Variants in LARP1B observed in about 807,000 individuals in gnomAD.
The protein encoded by LARP1B is La ribonucleoprotein 1B, also known as la-related protein 1B.
A neutral mutation model predicts 114.2 loss-of-function variants in LARP1B; 76 were observed. That is an observed-to-expected ratio of 0.67 (90% CI 0.55 to 0.81). The LOEUF (loss-of-function observed/expected upper bound fraction) is 0.81. LARP1B is among the 30% of genes least tolerant of loss of function. LARP1B has a pLI of 0.00. For missense variants in LARP1B, 1,014 were observed against 1,075.8 expected (o/e 0.94, Z 0.80); for synonymous variants, 345 against 348.0 (o/e 0.99, Z 0.10).
At position 128,078,211 on chromosome 4, in the gene LARP1B, T is replaced by C. The variant is rs542782878; in HGVS notation, c.217+249T>C. ...TTCCACTTAGAGGTACAGTTGTAGA[T>C]ACATTCTTGGAAAGTTGTGTGATAA... On this transcript the variant is annotated intron_variant, in intron 4 of 19. Transcript: ENST00000326639. Among the ~76,000 whole-genome samples the C allele has an allele frequency of 5.9e-4, 90 of 152,360 alleles. 1 individual carries two copies. In the South Asian group the frequency reaches 0.011, roughly 18 times the overall value.
intron 10 of LARP1B, among the ~76,000 whole-genome samples, chr4:128,120,244 G>A (rs1422326276): frequency 6.6e-6 from 1 of 152,090 alleles, no homozygotes; most frequent in Middle Eastern, 3.2e-3. Flanking sequence ...ACATTATTGG[G>A]AATTTTGAAA....
chr4:128,115,540 C>A (rs1340392846), intron 10 of LARP1B, among the ~76,000 whole-genome samples: 1 of 152,142 alleles, frequency 6.6e-6, no homozygotes, highest in East Asian at 1.9e-4. Context: ...CACTGCACTC[C>A]AGGGAGGGTG....
chr4:128,086,460 C>T (rs1773601213), intron 5 of LARP1B, among the ~76,000 whole-genome samples: 1 of 152,142 alleles, frequency 6.6e-6, no homozygotes, highest in Admixed American at 6.5e-5. Flanking sequence ...TCCTCAGTAG[C>T]TGGGACTACA....
At chr4:128,087,307 T>C (rs1774000774) in intron 5 of LARP1B, among the ~76,000 whole-genome samples, 1 of 152,228 alleles carries the variant, frequency 6.6e-6, no homozygotes, top group Non-Finnish European at 1.5e-5. Flanking sequence ...CATTTGTTTT[T>C]ATAGTTTTCT....
intron 7 of LARP1B, among the ~76,000 whole-genome samples, chr4:128,093,815 A>G (rs993696067): frequency 8.7e-5 from 13 of 150,086 alleles, no homozygotes; most frequent in African/African-American, 2.7e-4. Flanking sequence ...GGTTCAAGCA[A>G]TTCTCCTGCC....
intron 7 of LARP1B, among the ~76,000 whole-genome samples, chr4:128,096,137 GCGCCCGCCACCT>G (rs1777897338): frequency 6.6e-6 from 1 of 151,938 alleles, no homozygotes; most frequent in South Asian, 2.1e-4. Flanking sequence ...GGCACTACAG[GCGCCCGCCACCT>G]TGCCCGGCTA....
At position 128,207,595 on chromosome 4, in the gene LARP1B, G is replaced by T. The variant is rs1299964177; in HGVS notation, c.2547+212G>T. Among the ~76,000 whole-genome samples, 4 of 152,302 alleles carry T rather than the reference G, an allele frequency of 2.6e-5. No homozygotes were observed. In the East Asian group the frequency reaches 7.7e-4, roughly 29 times the overall value. On this transcript the variant is annotated intron_variant, in intron 19 of 19. Transcript: ENST00000326639. ...AATGTTAACATCTTGTATAACCACAGTGCAATTGTTAATTCAATTTAATTT... is the reference window on the plus strand; with the variant it reads ...AATGTTAACATCTTGTATAACCACATTGCAATTGTTAATTCAATTTAATTT...
Position 128,160,992 on chromosome 4 carries a change from C to T in LARP1B, c.1525-1202C>T, listed in dbSNP as rs533474997. ...TTCCTGTTTTAAATTTGCTTCAACC[C>T]GAAAAATTCTTTCTTATGTTTTTTA... On this transcript the variant is annotated intron_variant, in intron 11 of 19. Coordinates refer to ENST00000326639, the MANE Select transcript of LARP1B (RefSeq NM_018078.4). Among the ~76,000 whole-genome samples, 9 of 152,220 alleles carry T rather than the reference C, an allele frequency of 5.9e-5. No homozygotes were observed. The South Asian group carries it at 1.7e-3, about 28-fold the overall frequency.
chr4:128,155,629 G>A, intron 11 of LARP1B: 1 of 1,339,442 alleles, frequency 7.5e-7, no homozygotes. Flanking sequence ...ACCCCAGCCA[G>A]GAGCCATCCG....
chr4:128,099,963 T>A (rs964717456), intron 8 of LARP1B, among the ~76,000 whole-genome samples: 1 of 152,054 alleles, frequency 6.6e-6, no homozygotes, highest in Non-Finnish European at 1.5e-5. Context: ...TTTTTATTTT[T>A]TTGGGACAAA....
chr4:128,094,183 C>T (rs895033065), intron 7 of LARP1B, among the ~76,000 whole-genome samples: 1 of 152,012 alleles, frequency 6.6e-6, no homozygotes, highest in African/African-American at 2.4e-5. Context: ...CCTCGGCCTC[C>T]CAAAGTGCTG....
chr4:128,121,402 C>T (rs1182184781), intron 10 of LARP1B, among the ~76,000 whole-genome samples: 1 of 151,788 alleles, frequency 6.6e-6, no homozygotes, highest in Admixed American at 6.6e-5. Flanking sequence ...ACTGCAACCT[C>T]CCTGCCTCCC....
chr4:128,177,031 A>G (rs774625411), intron 13 of LARP1B, 124 bp downstream of exon 13: 24 of 859,374 alleles, frequency 2.8e-5, no homozygotes, highest in Non-Finnish European at 4.0e-5. Context: ...AACAAGGAAC[A>G]GGACTGACAG....
At position 128,107,238 on chromosome 4, in the gene LARP1B, G is replaced by A; in HGVS notation, c.913G>A (p.Val305Met). Residue 305 changes from valine (V) to methionine (M), a missense_variant, in exon 9 of 20, where the codon GTG becomes ATG. By Grantham distance (21) the Val-to-Met change is conservative. Transcript: ENST00000326639. ...AATTCCAGGCCCTCCTCCACGCAGTGTGCCACCAACAGACTTCTCTCAACT... is the reference window on the plus strand; with the variant it reads ...AATTCCAGGCCCTCCTCCACGCAGTATGCCACCAACAGACTTCTCTCAACT... Reference protein sequence around the residue: ...WPIPGPPPRSVPPTDFSQLID... With the variant: ...WPIPGPPPRSMPPTDFSQLID... 6.2e-7 allele frequency: 1 copy of A among 1,614,092 alleles called. No homozygotes were observed. The highest frequency in any genetic ancestry group is 8.5e-7 in the Non-Finnish European group (1 of 1,179,992).
chr4:128,170,083 G>A (rs180829956), intron 12 of LARP1B, among the ~76,000 whole-genome samples: 4 of 151,844 alleles, frequency 2.6e-5, no homozygotes, highest in Admixed American at 6.6e-5. Context: ...GAGTGTATTC[G>A]GTGTAATTTC....
chr4:128,173,047 C>T (rs1744478326), intron 12 of LARP1B, among the ~76,000 whole-genome samples: 1 of 150,936 alleles, frequency 6.6e-6, no homozygotes, highest in African/African-American at 2.4e-5. Context: ...TTTATACTGC[C>T]TATATATATA....
intron 12 of LARP1B, among the ~76,000 whole-genome samples, chr4:128,176,084 C>G (rs1312553705): frequency 6.8e-6 from 1 of 146,190 alleles, no homozygotes; most frequent in African/African-American, 2.5e-5. Flanking sequence ...GTCTCTGTCT[C>G]TCTCTCTCGA....
At chr4:128,083,739 A>G (rs1207308755) in intron 5 of LARP1B, among the ~76,000 whole-genome samples, 2 of 132,742 alleles carry the variant, frequency 1.5e-5, no homozygotes, top group African/African-American at 2.9e-5. Flanking sequence ...ACTTCCCAGT[A>G]GGGGCGGCTG....
At chr4:128,094,708 G>T (rs1429869971) in intron 7 of LARP1B, among the ~76,000 whole-genome samples, 1 of 152,020 alleles carries the variant, frequency 6.6e-6, no homozygotes, top group East Asian at 1.9e-4. Flanking sequence ...AAGAACAGTT[G>T]TAACTTGTGA....
Sources: gnomAD v4.1 joint callset for allele counts (sites outside exome capture counted in the v4.1 genomes callset) on GRCh38, gnomAD v4.1.1 for gene constraint, MANE v1.5 for transcripts, NCBI Gene and HGNC (gene_info 2026-07-23, HGNC 2026-07-21) for gene names.